Variants in PTER observed in about 807,000 individuals in gnomAD.
PTER encodes the protein phosphotriesterase related, also known as N-acetyltaurine hydrolase.
A neutral mutation model predicts 29.6 loss-of-function variants in PTER; 38 were observed. That is an observed-to-expected ratio of 1.28 (90% CI 0.99 to 1.68). PTER has a LOEUF of 1.68. PTER is among the 40% of genes most tolerant of loss of function. PTER has a pLI of 0.00. For missense variants in PTER, 482 were observed against 427.8 expected, an observed-to-expected ratio of 1.13 and a Z score of -1.12; for synonymous variants, 172 against 154.5, an observed-to-expected ratio of 1.11 and a Z score of -0.84.
intron 1 of PTER, among the ~76,000 whole-genome samples, chr10:16,480,285 G>A (rs1216070164): frequency 6.6e-6 from 1 of 150,990 alleles, no homozygotes; most frequent in Admixed American, 6.6e-5. Context: ...CACCTCCCAG[G>A]TTCAAGCAAT....
chr10:16,461,558 A>G (rs1329570722), intron 1 of PTER, among the ~76,000 whole-genome samples: 1 of 152,164 alleles, frequency 6.6e-6, no homozygotes, highest in Admixed American at 6.5e-5. Context: ...AGTTGAAATT[A>G]GCTGTTTGTT....
intron 1 of PTER, among the ~76,000 whole-genome samples, chr10:16,450,295 G>C (rs1357824670): frequency 3.3e-5 from 5 of 152,176 alleles, no homozygotes; most frequent in Admixed American, 2.0e-4. Context: ...TGCCTCAGGA[G>C]AGGCCATCAC....
chr10:16,490,255 A>G (rs747632742), intron 3 of PTER, among the ~76,000 whole-genome samples: 7 of 152,184 alleles, frequency 4.6e-5, no homozygotes, highest in Non-Finnish European at 8.8e-5. Flanking sequence ...TTCTCTTGGT[A>G]CTTGAAGTAC....
intron 3 of PTER, among the ~76,000 whole-genome samples, chr10:16,493,394 A>G (rs1429036780): frequency 6.6e-6 from 1 of 152,128 alleles, no homozygotes; most frequent in Non-Finnish European, 1.5e-5. Context: ...TCCTATGAAT[A>G]TGACACTGAG....
chr10:16,510,367 T>C (rs1836764540), intron 4 of PTER, among the ~76,000 whole-genome samples: 1 of 152,208 alleles, frequency 6.6e-6, no homozygotes, highest in South Asian at 2.1e-4. Context: ...CTTGCTGACA[T>C]GGAAAGAAGA....
intron 1 of PTER, among the ~76,000 whole-genome samples, chr10:16,483,971 C>CT (rs1320834358): frequency 1.3e-5 from 2 of 151,956 alleles, no homozygotes; most frequent in East Asian, 1.9e-4. Flanking sequence ...ATTCTGAATA[C>CT]TTTTTTTTAA....
intron 4 of PTER, among the ~76,000 whole-genome samples, chr10:16,509,112 C>T (rs192453330): frequency 4.0e-4 from 61 of 152,224 alleles, no homozygotes; most frequent in African/African-American, 1.2e-3. Flanking sequence ...CTATAATTAC[C>T]GTGATTTTTT....
chr10:16,446,391 T>C (rs1226991819), intron 1 of PTER, among the ~76,000 whole-genome samples: 1 of 152,132 alleles, frequency 6.6e-6, no homozygotes, highest in East Asian at 1.9e-4. Flanking sequence ...GCTAATTTTT[T>C]GTATTTTTAC....
At chr10:16,510,986 G>A in intron 4 of PTER, 60 bp from the exon 5 acceptor site, 2 of 1,455,338 alleles carry the variant, frequency 1.4e-6, no homozygotes, top group South Asian at 1.2e-5. Flanking sequence ...AAAGTTGAAA[G>A]CATCCTGAAA....
At chr10:16,468,305 G>A (rs911701564) in intron 1 of PTER, among the ~76,000 whole-genome samples, 6 of 152,110 alleles carry the variant, frequency 3.9e-5, no homozygotes, top group Non-Finnish European at 7.4e-5. Context: ...TCAAACCACC[G>A]TACTCCAGCC....
intron 1 of PTER, among the ~76,000 whole-genome samples, chr10:16,463,270 G>A (rs1834688790): frequency 1.3e-5 from 2 of 151,686 alleles, no homozygotes; most frequent in Admixed American, 1.3e-4. Flanking sequence ...TGGAGACAGA[G>A]GGAAGAACTC....
At chr10:16,502,191 C>A (rs1311633092) in intron 3 of PTER, among the ~76,000 whole-genome samples, 3 of 152,164 alleles carry the variant, frequency 2.0e-5, no homozygotes, top group African/African-American at 7.2e-5. Context: ...ACTCCATTTC[C>A]GTGCTGACTC....
chr10:16,458,066 A>G (rs1834477059), intron 1 of PTER, among the ~76,000 whole-genome samples: 1 of 152,220 alleles, frequency 6.6e-6, no homozygotes. Flanking sequence ...CCAATTTATT[A>G]GTGTTGTATG....
intron 1 of PTER, among the ~76,000 whole-genome samples, chr10:16,440,736 T>C (rs1345638171): frequency 6.6e-6 from 1 of 152,236 alleles, no homozygotes; most frequent in Non-Finnish European, 1.5e-5. Flanking sequence ...GGTCTCAGCC[T>C]GGGTCATAGA....
chr10:16,518,112 C>A (rs1223477241), downstream of PTER, among the ~76,000 whole-genome samples: 3 of 152,130 alleles, frequency 2.0e-5, no homozygotes, highest in Non-Finnish European at 4.4e-5. Flanking sequence ...AGAGAGGGAA[C>A]CTGCCATTCT....
chr10:16,501,538 C>A (rs958868492), intron 3 of PTER, among the ~76,000 whole-genome samples: 1 of 152,164 alleles, frequency 6.6e-6, no homozygotes, highest in African/African-American at 2.4e-5. Context: ...AAAATCTCCA[C>A]AAGTGAATCC....
intron 1 of PTER, among the ~76,000 whole-genome samples, chr10:16,448,311 T>C (rs188791552): frequency 5.3e-5 from 8 of 152,306 alleles, no homozygotes; most frequent in Non-Finnish European, 8.8e-5. Flanking sequence ...GCTTGCATAG[T>C]AGCCTGGACC....
intron 1 of PTER, among the ~76,000 whole-genome samples, chr10:16,439,463 C>T (rs1333749776): frequency 1.3e-5 from 2 of 152,054 alleles, no homozygotes; most frequent in African/African-American, 2.4e-5. Flanking sequence ...AGTACATGAC[C>T]GTGTACTCAG....
intron 1 of PTER, among the ~76,000 whole-genome samples, chr10:16,465,811 C>T (rs558564939): frequency 3.3e-5 from 5 of 152,172 alleles, no homozygotes; most frequent in Non-Finnish European, 5.9e-5. Flanking sequence ...CCTCAGGAAA[C>T]GTAAAATTGT....
Sources: gnomAD v4.1 joint callset for allele counts (sites outside exome capture counted in the v4.1 genomes callset) on GRCh38, gnomAD v4.1.1 for gene constraint, MANE v1.5 for transcripts, NCBI Gene and HGNC (gene_info 2026-07-23, HGNC 2026-07-21) for gene names.